The following NAV2 variants were observed in gnomAD, a reference collection of about 807,000 sequenced individuals.
NAV2 encodes the protein neuron navigator 2.
A neutral mutation model predicts 223.2 loss-of-function variants in NAV2; 54 were observed. That is an observed-to-expected ratio of 0.24 (90% CI 0.19 to 0.30). NAV2 has a LOEUF of 0.30. Among genes scored for constraint, NAV2 ranks in the 10% least tolerant of loss-of-function variants. The pLI, the probability that NAV2 is intolerant of heterozygous loss-of-function variation, is 1.00. For missense variants in NAV2, 2,806 were observed against 3,147.5 expected (o/e 0.89, Z 2.60); for synonymous variants, 1,279 against 1,239.3 (o/e 1.03, Z -0.67).
chr11:20,103,484 TG>T (rs1467635439), intron 33 of NAV2, 75 bp downstream of exon 33: 1 of 1,561,026 alleles, frequency 6.4e-7, no homozygotes, highest in Non-Finnish European at 8.7e-7. Context: ...TGCACACAGG[TG>T]GCCCGGGGCC....
At chr11:19,842,372 C>T (rs981450734) in intron 2 of NAV2, among the ~76,000 whole-genome samples, 2 of 152,076 alleles carry the variant, frequency 1.3e-5, no homozygotes, top group Non-Finnish European at 2.9e-5. Flanking sequence ...TCTCATTTTC[C>T]CCATTTGCCA....
chr11:19,466,984 T>TACACACACACAC (rs3042688), intron 1 of NAV2, among the ~76,000 whole-genome samples: 12,212 of 123,650 alleles, frequency 0.099, 619 homozygotes, highest in Middle Eastern at 0.14. Flanking sequence ...TCTCTCTCTC[T>TACACACACACAC]ACACACACAC....
chr11:19,824,459 G>C (rs143920360), intron 1 of NAV2, among the ~76,000 whole-genome samples: 1 of 152,192 alleles, frequency 6.6e-6, no homozygotes, highest in Non-Finnish European at 1.5e-5. Flanking sequence ...GGGCAGAACC[G>C]GACTTTTCTG....
At position 19,884,278 on chromosome 11, in the gene NAV2, C is replaced by A. The variant is rs772200107; in HGVS notation, c.770+4151C>A. ...CCTCATTCAGCTCTTCCACTTTTTT[C>A]TTTCCTATCATGCAGTGCATCATCC... is the stretch of plus-strand genomic sequence containing the variant. On this transcript the variant is annotated intron_variant, in intron 5 of 37. Transcript: ENST00000349880. The A allele has an allele frequency of 9.4e-6, 15 of 1,603,210 alleles. No homozygotes were observed. The East Asian group carries it at 3.3e-4, about 36-fold the overall frequency.
Position 20,074,760 on chromosome 11 carries a change from C to CCTTTTTTTTTTTTTTTTTT in NAV2, c.4984-2792_4984-2791insCTTTTTTTTTTTTTTTTTT, listed in dbSNP as rs56895607. On this transcript the variant is annotated intron_variant, in intron 22 of 37. Coordinates refer to ENST00000349880, the MANE Select transcript of NAV2 (RefSeq NM_145117.5). ...ATTGGAGACTAGGATTGCAACTCTG[C>CCTTTTTTTTTTTTTTTTTT]TTTTTTTTTTTTTTTTGCTTTCCAT... Among the ~76,000 whole-genome samples the CCTTTTTTTTTTTTTTTTTT allele has an allele frequency of 6.1e-3, 671 of 110,104 alleles. 77 individuals carry two copies. The highest frequency in any genetic ancestry group is 0.011 in the African/African-American group (282 of 25,960). 72.2% of individuals were successfully genotyped at this position (110,104 alleles called of 152,430 possible).
intron 27 of NAV2, 87 bp downstream of exon 27, chr11:20,091,105 A>C: frequency 7.2e-7 from 1 of 1,391,938 alleles, no homozygotes; most frequent in South Asian, 1.3e-5. Context: ...TGAGGGCTGC[A>C]TCAGAATCTG....
intron 1 of NAV2, among the ~76,000 whole-genome samples, chr11:19,476,852 G>A (rs554628328): frequency 7.9e-5 from 12 of 152,270 alleles, no homozygotes; most frequent in East Asian, 7.7e-4. Flanking sequence ...TGGTCCTCCC[G>A]GTACTTAGCC....
intron 1 of NAV2, among the ~76,000 whole-genome samples, chr11:19,620,745 C>T (rs2046967818): frequency 6.6e-6 from 1 of 152,104 alleles, no homozygotes; most frequent in Non-Finnish European, 1.5e-5. Context: ...AATTGAATAC[C>T]TTTTATTTCC....
intron 1 of NAV2, chr11:19,503,130 T>C (rs1646136935): frequency 6.6e-6 from 1 of 152,234 alleles, no homozygotes; most frequent in Non-Finnish European, 1.5e-5. Flanking sequence ...TAATGCCTTT[T>C]TGAATAGACC....
At chr11:19,844,507 A>G (rs1217093332) in intron 3 of NAV2, among the ~76,000 whole-genome samples, 1 of 152,210 alleles carries the variant, frequency 6.6e-6, no homozygotes, top group Non-Finnish European at 1.5e-5. Context: ...GGATTTTGGA[A>G]TATTTACATT....
rs374966317 is a variant in NAV2, at chr11:19,846,498, G to A, written c.438+3575G>A. ...CAAAGTTTTCTAAAGGAAAAAATTC[G>A]AGGTCATCAATTCCTGTGGACAGAA... On this transcript the variant is annotated intron_variant, in intron 3 of 37. Coordinates refer to ENST00000349880, the MANE Select transcript of NAV2 (RefSeq NM_145117.5). Among the ~76,000 whole-genome samples the A allele has an allele frequency of 2.6e-5, 4 of 152,268 alleles. No homozygotes were observed. In the South Asian group the frequency reaches 6.2e-4, roughly 24 times the overall value.
intron 11 of NAV2, chr11:20,023,051 G>A (rs2054649446): frequency 1.2e-5 from 18 of 1,550,694 alleles, no homozygotes; most frequent in South Asian, 1.1e-4. Context: ...TTGCCATCCT[G>A]TGAGATTCAT....
At chr11:20,036,975 A>C (rs992807590) in intron 12 of NAV2, among the ~76,000 whole-genome samples, 1 of 152,164 alleles carries the variant, frequency 6.6e-6, no homozygotes, top group African/African-American at 2.4e-5. Flanking sequence ...CCATTCCTTC[A>C]TGATTGGCAA....
intron 1 of NAV2, among the ~76,000 whole-genome samples, chr11:19,449,253 T>C (rs1328198263): frequency 6.6e-6 from 1 of 152,118 alleles, no homozygotes. Flanking sequence ...TAGAGGGCTC[T>C]TGAAACACTC....
intron 1 of NAV2, among the ~76,000 whole-genome samples, chr11:19,684,919 G>A (rs1457561202): frequency 6.6e-6 from 1 of 152,080 alleles, no homozygotes; most frequent in African/African-American, 2.4e-5. Context: ...ACAGTGCCTG[G>A]CACATTGTAG....
At chr11:19,916,368 T>C (rs1310705742) in intron 6 of NAV2, among the ~76,000 whole-genome samples, 1 of 152,114 alleles carries the variant, frequency 6.6e-6, no homozygotes, top group Non-Finnish European at 1.5e-5. Flanking sequence ...GAAAGAGAAA[T>C]AGAATAACAT....
intron 1 of NAV2, among the ~76,000 whole-genome samples, chr11:19,471,219 A>T (rs1163956261): frequency 2.0e-5 from 3 of 152,098 alleles, no homozygotes; most frequent in Non-Finnish European, 4.4e-5. Flanking sequence ...TGTCAACCAT[A>T]CACACCAAGG....
intron 1 of NAV2, among the ~76,000 whole-genome samples, chr11:19,577,696 A>C (rs1476772977): frequency 6.6e-6 from 1 of 151,706 alleles, no homozygotes; most frequent in Non-Finnish European, 1.5e-5. Flanking sequence ...CTCGGGAGCC[A>C]GCAAGCACTG....
chr11:19,698,829 A>AGTGTGTGTGT (rs1253491850), intron 1 of NAV2, among the ~76,000 whole-genome samples: 1 of 151,936 alleles, frequency 6.6e-6, no homozygotes, highest in Admixed American at 6.6e-5. Flanking sequence ...AGAGAGAGAG[A>AGTGTGTGTGT]GTGTGTGTGT....
Sources: allele counts gnomAD v4.1 joint callset (sites outside exome capture counted in the v4.1 genomes callset), GRCh38; gene constraint gnomAD v4.1.1; transcripts MANE v1.5; gene names NCBI Gene and HGNC (gene_info 2026-07-23, HGNC 2026-07-21).